Variants in ANKS1B observed in about 807,000 individuals in gnomAD.
ANKS1B encodes ankyrin repeat and sterile alpha motif domain containing 1B.
Under a neutral mutation model 148.3 loss-of-function variants are expected in ANKS1B, and 36 were observed. The ratio of observed to expected loss-of-function variants is 0.24; its 90% CI spans 0.19 to 0.32. The LOEUF is 0.32. ANKS1B is among the 10% of genes least tolerant of loss of function. The probability of loss-of-function intolerance (pLI) is 1.00; values close to 1 mark genes in which losing one functional copy is unlikely to be tolerated. For synonymous variants in ANKS1B, 542 were observed against 560.8 expected (o/e 0.97, Z 0.47); for missense variants, 1,157 against 1,542.6 (o/e 0.75, Z 4.19).
intron 8 of ANKS1B, among the ~76,000 whole-genome samples, chr12:99,725,322 C>G (rs2058507492): frequency 6.6e-6 from 1 of 152,036 alleles, no homozygotes. Context: ...GTTTACCAAG[C>G]AAATGAAAAG....
chr12:99,934,593 T>C (rs2094710534), intron 1 of ANKS1B, among the ~76,000 whole-genome samples: 1 of 152,160 alleles, frequency 6.6e-6, no homozygotes, highest in Non-Finnish European at 1.5e-5. Flanking sequence ...CTTTTGAATT[T>C]CTGCAGTATA....
intron 14 of ANKS1B, among the ~76,000 whole-genome samples, chr12:99,241,701 C>T (rs1281257334): frequency 2.0e-5 from 3 of 152,130 alleles, no homozygotes; most frequent in African/African-American, 4.8e-5. Flanking sequence ...TTATCCACCA[C>T]GATCAGATTG....
At chr12:98,986,779 T>TTTTTA (rs1412827570) in intron 17 of ANKS1B, among the ~76,000 whole-genome samples, 1 of 151,996 alleles carries the variant, frequency 6.6e-6, no homozygotes, top group Non-Finnish European at 1.5e-5. Context: ...CACACCTGGA[T>TTTTTA]TTTTATTTTA....
chr12:98,926,466 A>G (rs1038057904), intron 17 of ANKS1B, among the ~76,000 whole-genome samples: 1 of 152,174 alleles, frequency 6.6e-6, no homozygotes, highest in African/African-American at 2.4e-5. Flanking sequence ...TAAAATGTAT[A>G]GCATTCAACA....
rs76595649 is a variant in ANKS1B at position 99,326,253 on chromosome 12, G to A, written c.1756+73378C>T. Among the ~76,000 whole-genome samples, 534 of 152,122 alleles carry A rather than the reference G, an allele frequency of 3.5e-3. 33 individuals are homozygous for A. The East Asian group carries it at 0.084, about 24-fold the overall frequency. ...AAATGTCATGGCAACAGGTTTTTGG[G>A]ATACTCAAGGCATTTTCCTTGTTGA... On this transcript the variant is annotated intron_variant, in intron 12 of 26. Transcript: ENST00000683438.
intron 9 of ANKS1B, among the ~76,000 whole-genome samples, chr12:99,650,700 A>G (rs1212953686): frequency 6.6e-6 from 1 of 152,194 alleles, no homozygotes; most frequent in South Asian, 2.1e-4. Context: ...CAAAGCACTC[A>G]TCTTTTACCT....
At chr12:99,573,386 T>A (rs1424049858) in intron 9 of ANKS1B, among the ~76,000 whole-genome samples, 1 of 152,096 alleles carries the variant, frequency 6.6e-6, no homozygotes, top group African/African-American at 2.4e-5. Flanking sequence ...TTTTAAAAAA[T>A]TGGTATTATC....
intron 9 of ANKS1B, among the ~76,000 whole-genome samples, chr12:99,616,809 AG>A (rs1274051531): frequency 2.0e-5 from 3 of 152,204 alleles, no homozygotes; most frequent in Admixed American, 2.0e-4. Context: ...ATTAAACTAA[AG>A]AGCTTCTGCA....
intron 14 of ANKS1B, among the ~76,000 whole-genome samples, chr12:99,160,165 T>C (rs2076500264): frequency 6.6e-6 from 1 of 152,190 alleles, no homozygotes; most frequent in Non-Finnish European, 1.5e-5. Flanking sequence ...TTTCTCCCAT[T>C]CTGTAGGTTA....
chr12:99,753,690 C>G (rs1227695524), intron 8 of ANKS1B, among the ~76,000 whole-genome samples: 6 of 151,924 alleles, frequency 3.9e-5, no homozygotes, highest in African/African-American at 1.5e-4. Context: ...ATATCAATAC[C>G]AGCCTTAAAT....
intron 14 of ANKS1B, among the ~76,000 whole-genome samples, chr12:99,198,661 G>T (rs2081680535): frequency 6.6e-6 from 1 of 152,124 alleles, no homozygotes; most frequent in Non-Finnish European, 1.5e-5. Context: ...GAATTCTAAA[G>T]ATCAATGAAC....
At chr12:98,868,310 C>T (rs371904988) in intron 17 of ANKS1B, among the ~76,000 whole-genome samples, 4 of 152,110 alleles carry the variant, frequency 2.6e-5, no homozygotes, top group East Asian at 3.8e-4. Context: ...CTGCTTGGAA[C>T]GTCCCAGGAG....
chr12:99,874,022 C>CATATATATATATATAT (rs150860727), intron 1 of ANKS1B, among the ~76,000 whole-genome samples: 11 of 137,850 alleles, frequency 8.0e-5, no homozygotes, highest in African/African-American at 2.9e-4. Flanking sequence ...CTCTCTCTCA[C>CATATATATATATATAT]ATATATATAT....
At chr12:99,328,260 G>T (rs1361709745) in intron 12 of ANKS1B, among the ~76,000 whole-genome samples, 2 of 151,988 alleles carry the variant, frequency 1.3e-5, no homozygotes, top group Non-Finnish European at 2.9e-5. Context: ...GTAACCAGGA[G>T]ATGAACTTGA....
chr12:99,268,611 T>G (rs1002492210), intron 12 of ANKS1B, among the ~76,000 whole-genome samples: 11 of 152,276 alleles, frequency 7.2e-5, no homozygotes, highest in Non-Finnish European at 1.3e-4. Context: ...GAGACAAAGG[T>G]AATGGGCATA....
intron 14 of ANKS1B, among the ~76,000 whole-genome samples, chr12:99,204,374 C>G (rs2082392469): frequency 6.6e-6 from 1 of 152,202 alleles, no homozygotes; most frequent in East Asian, 1.9e-4. Flanking sequence ...AACCAAATTA[C>G]TTTGCTAAGT....
intron 4 of ANKS1B, among the ~76,000 whole-genome samples, chr12:99,801,493 CA>C (rs1333174296): frequency 6.6e-6 from 1 of 152,096 alleles, no homozygotes; most frequent in Non-Finnish European, 1.5e-5. Context: ...AGTCATTAGA[CA>C]ACTTGACAAA....
intron 17 of ANKS1B, among the ~76,000 whole-genome samples, chr12:98,887,722 C>T (rs1270728309): frequency 6.6e-6 from 1 of 152,054 alleles, no homozygotes; most frequent in Non-Finnish European, 1.5e-5. Context: ...ATTCTCATGC[C>T]TCAGCCTCCT....
At chr12:98,783,355 G>C (rs916049294) in intron 22 of ANKS1B, among the ~76,000 whole-genome samples, 1 of 152,222 alleles carries the variant, frequency 6.6e-6, no homozygotes, top group Non-Finnish European at 1.5e-5. Flanking sequence ...CAGTAGAAAA[G>C]AGGGCTGGAA....
Sources: allele counts gnomAD v4.1 joint callset (sites outside exome capture counted in the v4.1 genomes callset), GRCh38; gene constraint gnomAD v4.1.1; transcripts MANE v1.5; gene names NCBI Gene and HGNC (gene_info 2026-07-23, HGNC 2026-07-21).